Variants in MLLT10 observed in about 807,000 individuals in gnomAD.
The protein encoded by MLLT10 is protein AF-10.
In MLLT10, 30 loss-of-function variants were observed where a neutral mutation model predicts 129.1. The ratio of observed to expected loss-of-function variants is 0.23; its 90% CI spans 0.17 to 0.32. The LOEUF (loss-of-function observed/expected upper bound fraction) is 0.32. Among genes scored for constraint, MLLT10 ranks in the 10% least tolerant of loss-of-function variants. The pLI, the probability that MLLT10 is intolerant of heterozygous loss-of-function variation, is 1.00. For missense variants in MLLT10, 1,119 were observed against 1,268.3 expected (o/e 0.88, Z 1.79); for synonymous variants, 490 against 446.4 (o/e 1.10, Z -1.23).
chr10:21,658,603 C>A (rs1292492366), intron 9 of MLLT10, among the ~76,000 whole-genome samples: 2 of 152,132 alleles, frequency 1.3e-5, no homozygotes, highest in Non-Finnish European at 2.9e-5. Flanking sequence ...ATTTCTCTTG[C>A]ATGAATACCA....
At chr10:21,739,396 G>A (rs1207831074) in intron 21 of MLLT10, among the ~76,000 whole-genome samples, 1 of 152,124 alleles carries the variant, frequency 6.6e-6, no homozygotes, top group Non-Finnish European at 1.5e-5. Flanking sequence ...ACTTCCCAAT[G>A]AAAACTGCCC....
intron 16 of MLLT10, among the ~76,000 whole-genome samples, chr10:21,728,230 C>T (rs2057673163): frequency 6.6e-6 from 1 of 152,136 alleles, no homozygotes; most frequent in Non-Finnish European, 1.5e-5. Flanking sequence ...TTTAAGATCT[C>T]TTAAAGTTGT....
intron 3 of MLLT10, chr10:21,551,790 G>GTC (rs1032725941): frequency 1.7e-5 from 7 of 402,648 alleles, no homozygotes; most frequent in Admixed American, 3.1e-5. Context: ...AATAGTTTCT[G>GTC]TCTCTCTCTC....
intron 14 of MLLT10, among the ~76,000 whole-genome samples, chr10:21,717,737 T>TTCCTCCTCCTCTTCCTCC (rs2056796964): frequency 5.3e-5 from 1 of 19,036 alleles, no homozygotes; most frequent in Non-Finnish European, 9.8e-5. Context: ...CCTCCTCCTC[T>TTCCTCCTCCTCTTCCTCC]TCCTCCTCCT....
At position 21,534,271 on chromosome 10, in the gene MLLT10, C is replaced by T. The variant is rs187623788; in HGVS notation, c.-250C>T. On this transcript the variant is annotated 5_prime_UTR_variant, in exon 1 of 23. Coordinates refer to ENST00000307729, the MANE Select transcript of MLLT10 (RefSeq NM_001195626.3). ...ACGCTCCGAGGAGGAAGCGCAGCCCCCTTCCCCTCCCTCGCTGCCCCTGGC... is the reference window on the plus strand; with the variant it reads ...ACGCTCCGAGGAGGAAGCGCAGCCCTCTTCCCCTCCCTCGCTGCCCCTGGC... 5.0e-6 allele frequency: 2 copies of T among 400,080 alleles called. No homozygotes were observed. Among genetic ancestry groups the T allele is most frequent in the African/African-American group, 2.1e-5 (1 of 48,518 alleles). The allele number at this position is 400,080 out of a possible 1,614,324, so 24.8% of individuals were successfully genotyped here.
intron 10 of MLLT10, 57 bp downstream of exon 10, chr10:21,670,761 G>C (rs2051311954): frequency 5.2e-6 from 8 of 1,524,796 alleles, no homozygotes; most frequent in Non-Finnish European, 7.0e-6. Flanking sequence ...TAATAGTTAT[G>C]CTTTGTAAAA....
intron 7 of MLLT10, among the ~76,000 whole-genome samples, chr10:21,615,438 CAA>C (rs1007929252): frequency 3.6e-5 from 3 of 82,428 alleles, no homozygotes; most frequent in Middle Eastern, 0.017. Flanking sequence ...GCCTGGGAAA[CAA>C]GAGTGAGACT....
chr10:21,671,318 C>A (rs977342515), intron 10 of MLLT10, among the ~76,000 whole-genome samples: 1 of 152,150 alleles, frequency 6.6e-6, no homozygotes, highest in African/African-American at 2.4e-5. Flanking sequence ...TTCCTGGTGT[C>A]TTTTCCATAA....
intron 8 of MLLT10, among the ~76,000 whole-genome samples, chr10:21,637,432 A>C (rs2131283843): frequency 1.3e-5 from 2 of 152,314 alleles, no homozygotes; most frequent in Middle Eastern, 6.8e-3. Context: ...ACCATCCTTG[A>C]CTGCCAGAGG....
intron 13 of MLLT10, among the ~76,000 whole-genome samples, chr10:21,706,818 G>A (rs2055555948): frequency 6.6e-6 from 1 of 152,092 alleles, no homozygotes; most frequent in Non-Finnish European, 1.5e-5. Flanking sequence ...TACTCATACT[G>A]TATTCTTCTC....
rs969493495 is a variant in MLLT10 at position 21,724,303 on chromosome 10, C to T, written c.1879-1941C>T. On this transcript the variant is annotated intron_variant, in intron 14 of 22. Transcript: ENST00000307729. ...AGAAACTGTTTCCGTGAACCATAAA[C>T]GCACATTTTCATGCTTTGTAAGTGG... Among the ~76,000 whole-genome samples, 5 of 152,200 alleles carry T rather than the reference C, an allele frequency of 3.3e-5. No homozygotes were observed. The East Asian group carries it at 5.8e-4, about 18-fold the overall frequency.
At chr10:21,554,549 G>A (rs865851142) in intron 3 of MLLT10, among the ~76,000 whole-genome samples, 1 of 151,496 alleles carries the variant, frequency 6.6e-6, no homozygotes, top group Non-Finnish European at 1.5e-5. Context: ...CGCCTTCCGG[G>A]TTCAAGTGAT....
chr10:21,567,660 A>T (rs1215167055), intron 3 of MLLT10, among the ~76,000 whole-genome samples: 2 of 152,088 alleles, frequency 1.3e-5, no homozygotes, highest in Admixed American at 6.6e-5. Flanking sequence ...GAGGGTGGAT[A>T]TCTAGGTTCC....
intron 13 of MLLT10, among the ~76,000 whole-genome samples, chr10:21,684,782 C>T (rs149987034): frequency 1.3e-5 from 2 of 152,304 alleles, no homozygotes; most frequent in African/African-American, 2.4e-5. Context: ...TTCTTCATCT[C>T]GTTGTAATCT....
chr10:21,651,898 C>CTTT, intron 9 of MLLT10, 130 bp downstream of exon 9: 3 of 210,600 alleles, frequency 1.4e-5, no homozygotes, highest in South Asian at 1.9e-4. Context: ...TTAGAATTCT[C>CTTT]ATTTCTTTTT....
chr10:21,685,536 T>C (rs2053215142), intron 13 of MLLT10, among the ~76,000 whole-genome samples: 1 of 152,166 alleles, frequency 6.6e-6, no homozygotes, highest in Non-Finnish European at 1.5e-5. Flanking sequence ...GGTTTCACCA[T>C]GTTGGCCAGG....
At chr10:21,539,760 ACT>A (rs1369170068) in intron 3 of MLLT10, among the ~76,000 whole-genome samples, 2 of 150,594 alleles carry the variant, frequency 1.3e-5, no homozygotes, top group Non-Finnish European at 3.0e-5. Flanking sequence ...TAAGAGTGAA[ACT>A]CTGTCTCAAA....
upstream of MLLT10, among the ~76,000 whole-genome samples, chr10:21,533,769 C>G (rs28364865): frequency 1.6e-3 from 250 of 152,328 alleles, 11 homozygotes; most frequent in East Asian, 0.041. Context: ...CTTCATTACA[C>G]CCTTCATGGA....
chr10:21,742,526 TAAA>T lies in MLLT10; in HGVS notation c.*550_*552del, dbSNP rs147561617. 29 of 214,604 alleles carry T rather than the reference TAAA, an allele frequency of 1.4e-4. No homozygotes were observed. Among genetic ancestry groups the T allele is most frequent in the Non-Finnish European group, 2.5e-4 (27 of 106,598 alleles). 13.3% of individuals were successfully genotyped at this position (214,604 alleles called of 1,614,324 possible). A position where few individuals can be genotyped will look rare whatever the true frequency, so the allele number is the denominator to read the frequency against. On this transcript the variant is annotated 3_prime_UTR_variant, in exon 23 of 23. Transcript: ENST00000307729. The stretch of plus-strand genomic sequence containing the variant: ...TCACCTGGGACTTGGCAATCTTTGT[TAAA>T]AAAAAATTTCCTTTCTAATGGGATT...
Sources: allele counts gnomAD v4.1 joint callset (sites outside exome capture counted in the v4.1 genomes callset), GRCh38; gene constraint gnomAD v4.1.1; transcripts MANE v1.5; gene names NCBI Gene and HGNC (gene_info 2026-07-23, HGNC 2026-07-21).